PPP2R2D: variants seen among roughly 807,000 people sequenced by gnomAD.
PPP2R2D encodes the protein serine/threonine-protein phosphatase 2A 55 kDa regulatory subunit B delta isoform.
Under a neutral mutation model 31.1 loss-of-function variants are expected in PPP2R2D, and 9 were observed. The observed-to-expected ratio is 0.29, with a 90% CI of 0.17 to 0.51. The LOEUF is 0.51. Among genes scored for constraint, PPP2R2D ranks in the 20% least tolerant of loss-of-function variants. PPP2R2D has a pLI of 0.98. For synonymous variants in PPP2R2D, 179 were observed against 172.6 expected (o/e 1.04, Z -0.29); for missense variants, 391 against 465.6 (o/e 0.84, Z 1.48).
chr10:131,956,058 AG>A lies in PPP2R2D; in HGVS notation c.*96del. ...CATCATTGTCCGCTCCATTAAGAAC[AG>A]TGACGCACCTGCTACTTCCCTTCAC... On this transcript the variant is annotated 3_prime_UTR_variant, in exon 9 of 9. Transcript: ENST00000455566. 7.7e-7 allele frequency: 1 copy of A among 1,306,118 alleles called. No homozygotes were observed. Among genetic ancestry groups the A allele is most frequent in the Non-Finnish European group, 9.8e-7 (1 of 1,023,964 alleles). The allele number at this position is 1,306,118 out of a possible 1,614,324, so 80.9% of individuals were successfully genotyped here. A position where few individuals can be genotyped will look rare whatever the true frequency, so the allele number is the denominator to read the frequency against.
At position 131,934,551 on chromosome 10, in the gene PPP2R2D, A is replaced by G. The variant is rs1262358408; in HGVS notation, c.194A>G (p.Gln65Arg). 2 of 778,976 alleles carry G rather than the reference A, an allele frequency of 2.6e-6. No homozygotes were observed. The highest frequency in any genetic ancestry group is 4.8e-5 in the East Asian group (2 of 41,262). The allele number at this position is 778,976 out of a possible 1,614,324, so 48.3% of individuals were successfully genotyped here. A position where few individuals can be genotyped will look rare whatever the true frequency, so the allele number is the denominator to read the frequency against. ...AGAGTTGTTATTTTTCAGCGTGAACAAGAGGTCAGTAATTTTCAGTCCACA... is the reference window on the plus strand; with the variant it reads ...AGAGTTGTTATTTTTCAGCGTGAACGAGAGGTCAGTAATTTTCAGTCCACA... Reference protein sequence around the residue: ...GGRVVIFQREQENKSRPHSRG... With the variant: ...GGRVVIFQRERENKSRPHSRG... Residue 65 changes from glutamine to arginine, a missense_variant, in exon 3 of 9, where the codon CAA becomes CGA. Physicochemically the swap from Gln to Arg is conservative, Grantham distance 43 (BLOSUM62 1). This residue lies in a region of PPP2R2D where 105 missense variants were observed against 98.5 expected (regional missense o/e 1.07). Coordinates refer to ENST00000455566, the MANE Select transcript of PPP2R2D (RefSeq NM_018461.5).
intron 2 of PPP2R2D, among the ~76,000 whole-genome samples, chr10:131,901,839 G>T (rs2035504376): frequency 6.6e-6 from 1 of 152,164 alleles, no homozygotes; most frequent in Non-Finnish European, 1.5e-5. Flanking sequence ...CGAGCTGGTT[G>T]CCTCGGCTCC....
chr10:131,960,229 A>G (rs922290068), downstream of PPP2R2D, among the ~76,000 whole-genome samples: 1 of 152,214 alleles, frequency 6.6e-6, no homozygotes, highest in African/African-American at 2.4e-5. Context: ...CGTGCCCTCA[A>G]CAGGTGCGGA....
chr10:131,946,433 GCAGC>G (rs2036541809), intron 7 of PPP2R2D, among the ~76,000 whole-genome samples: 2 of 152,158 alleles, frequency 1.3e-5, no homozygotes, highest in African/African-American at 4.8e-5. Context: ...CTGCTCATGT[GCAGC>G]GGCGCCCCCA....
intron 2 of PPP2R2D, among the ~76,000 whole-genome samples, chr10:131,912,821 G>T (rs1213183963): frequency 6.6e-6 from 1 of 152,090 alleles, no homozygotes; most frequent in Non-Finnish European, 1.5e-5. Flanking sequence ...TAGTTATTTA[G>T]TCCACTGTTT....
chr10:131,926,356 G>A (rs993180151), intron 2 of PPP2R2D, among the ~76,000 whole-genome samples: 1 of 152,102 alleles, frequency 6.6e-6, no homozygotes, highest in Non-Finnish European at 1.5e-5. Context: ...ATGTGTGTGC[G>A]TGTGCATCTG....
At chr10:131,931,388 C>T (rs1392172734) in intron 2 of PPP2R2D, among the ~76,000 whole-genome samples, 1 of 152,190 alleles carries the variant, frequency 6.6e-6, no homozygotes, top group Non-Finnish European at 1.5e-5. Context: ...TGCTTTGTTG[C>T]CCAGGCTGGA....
At position 131,901,046 on chromosome 10, in the gene PPP2R2D, G is replaced by A; in HGVS notation, c.-103G>A. ...CGGCGGCGGCGGCGGCGGCGGCGGCGCCGGCGGTGGTGGCGGCCCCGGGGC... is the reference window on the plus strand; with the variant it reads ...CGGCGGCGGCGGCGGCGGCGGCGGCACCGGCGGTGGTGGCGGCCCCGGGGC... On this transcript the variant is annotated 5_prime_UTR_variant, in exon 1 of 9. Transcript: ENST00000455566. The A allele has an allele frequency of 6.2e-6, 1 of 161,634 alleles. No homozygotes were observed. Among genetic ancestry groups the A allele is most frequent in the Non-Finnish European group, 1.3e-5 (1 of 76,580 alleles). The allele number at this position is 161,634 out of a possible 1,614,324, so 10.0% of individuals were successfully genotyped here.
At position 131,945,384 on chromosome 10, in the gene PPP2R2D, G is replaced by A. The variant is rs201223480; in HGVS notation, c.745G>A (p.Val249Ile). The stretch of plus-strand genomic sequence containing the variant: ...CCACCCGCACCAGTGCAACGTGTTC[G>A]TCTACAGCAGTAGCAAAGGGACCAT... ...EFHPHQCNVF[V>I]YSSSKGTIRL... Residue 249 changes from valine to isoleucine, a missense_variant, in exon 7 of 9, where the codon GTC (valine) becomes ATC (isoleucine). Val to Ile is a conservative substitution (Grantham distance 29). Coordinates refer to ENST00000455566, the MANE Select transcript of PPP2R2D (RefSeq NM_018461.5). The surrounding 1 kb of genome is among the most constrained non-coding windows in gnomAD (Gnocchi z 4.8). 187 of 1,614,204 alleles carry A rather than the reference G, an allele frequency of 1.2e-4. 1 individual carries two copies. The Middle Eastern group carries it at 1.3e-3, about 11-fold the overall frequency.
Position 131,947,270 on chromosome 10 carries a change from C to A in PPP2R2D, c.821-260C>A, listed in dbSNP as rs991127031. Among the ~76,000 whole-genome samples, 2 of 152,170 alleles carry A rather than the reference C, an allele frequency of 1.3e-5. No homozygotes were observed. Among genetic ancestry groups the A allele is most frequent in the African/African-American group, 4.8e-5 (2 of 41,444 alleles). On this transcript the variant is annotated intron_variant, in intron 7 of 8. Transcript: ENST00000455566. This position sits in a 1 kb window ranked among gnomAD's most constrained non-coding sequence, Gnocchi z 4.3. ...TTGCCTAGAGATTCTCATTCAGGGT[C>A]CGGGTGAGACTTGGGCGTCTACGCT...
downstream of PPP2R2D, among the ~76,000 whole-genome samples, chr10:131,964,817 T>TC (rs1278677742): frequency 2.0e-5 from 3 of 151,796 alleles, no homozygotes; most frequent in East Asian, 3.9e-4. Context: ...CATTTGGGAT[T>TC]CCCCCCCAAA....
chr10:131,926,930 C>A (rs1185081367), intron 2 of PPP2R2D, among the ~76,000 whole-genome samples: 1 of 152,168 alleles, frequency 6.6e-6, no homozygotes, highest in Non-Finnish European at 1.5e-5. Flanking sequence ...GGTGAACTTG[C>A]CGAGTCAGGG....
chr10:131,944,628 T>C (rs1305429088), intron 6 of PPP2R2D, among the ~76,000 whole-genome samples: 9 of 152,174 alleles, frequency 5.9e-5, no homozygotes, highest in Admixed American at 5.2e-4. Context: ...GCCGGGAGCA[T>C]GGGGCTTGCT....
intron 2 of PPP2R2D, among the ~76,000 whole-genome samples, chr10:131,925,923 C>T (rs1372146330): frequency 2.6e-5 from 4 of 152,180 alleles, no homozygotes; most frequent in African/African-American, 4.8e-5. Context: ...GGCTCCGCCC[C>T]GTTTTTCAGC....
chr10:131,947,521 G>A lies in PPP2R2D; in HGVS notation c.821-9G>A. On this transcript the variant is annotated splice_polypyrimidine_tract_variant and intron_variant, in intron 7 of 8. Coordinates refer to ENST00000455566, the MANE Select transcript of PPP2R2D (RefSeq NM_018461.5). The surrounding 1 kb of genome is among the most constrained non-coding windows in gnomAD (Gnocchi z 4.3). Reference sequence around the variant, plus strand: ...ACAGAAGCTGAAAACATTTTATTTTGTTTTTCAGTTTTTGAAGAGCCTGAA... The same window carrying A: ...ACAGAAGCTGAAAACATTTTATTTTATTTTTCAGTTTTTGAAGAGCCTGAA... The A allele has an allele frequency of 6.2e-7, 1 of 1,607,840 alleles. No individual in the cohort carries two copies. The highest frequency in any genetic ancestry group is 8.5e-7 in the Non-Finnish European group (1 of 1,176,536).
intron 3 of PPP2R2D, among the ~76,000 whole-genome samples, chr10:131,938,871 T>G (rs1426213271): frequency 6.6e-6 from 1 of 152,218 alleles, no homozygotes; most frequent in Non-Finnish European, 1.5e-5. Context: ...TGTGTCACGC[T>G]CCTCAGGCCC....
intron 2 of PPP2R2D, among the ~76,000 whole-genome samples, chr10:131,923,720 T>A (rs1321752147): frequency 6.6e-6 from 1 of 152,210 alleles, no homozygotes; most frequent in Non-Finnish European, 1.5e-5. Flanking sequence ...GACATTTATA[T>A]ATATATATTT....
At chr10:131,905,854 C>T (rs936547445) in intron 2 of PPP2R2D, among the ~76,000 whole-genome samples, 5 of 152,322 alleles carry the variant, frequency 3.3e-5, no homozygotes, top group South Asian at 2.1e-4. Context: ...GGCATGCGGC[C>T]GTCCAGCCTT....
chr10:131,951,394 A>G (rs1469948738), intron 8 of PPP2R2D, among the ~76,000 whole-genome samples: 2 of 152,252 alleles, frequency 1.3e-5, no homozygotes, highest in African/African-American at 2.4e-5. Context: ...AGCAGTGAGA[A>G]TCAATTATTA....
Sources: gnomAD v4.1 joint callset for allele counts (sites outside exome capture counted in the v4.1 genomes callset) on GRCh38, gnomAD v4.1.1 for gene constraint, gnomAD v4.1.1 regional missense constraint, Gnocchi (gnomAD v3.1) non-coding constraint, MANE v1.5 for transcripts, NCBI Gene and HGNC (gene_info 2026-07-23, HGNC 2026-07-21) for gene names.